Variants in RBM47 observed in about 807,000 individuals in gnomAD.
RBM47 encodes the protein RNA binding motif protein 47.
A neutral mutation model predicts 47.1 loss-of-function variants in RBM47; 21 were observed. That is an observed-to-expected ratio of 0.45 (90% CI 0.32 to 0.64). RBM47 has a LOEUF of 0.64. Among genes scored for constraint, RBM47 ranks in the 30% least tolerant of loss-of-function variants. The probability of loss-of-function intolerance (pLI) is 0.05; values close to 1 mark genes in which losing one functional copy is unlikely to be tolerated. For synonymous variants in RBM47, 375 were observed against 361.7 expected, an observed-to-expected ratio of 1.04 and a Z score of -0.42; for missense variants, 708 against 870.9, an observed-to-expected ratio of 0.81 and a Z score of 2.35.
chr4:40,498,633 A>G (rs1722952439), intron 2 of RBM47, among the ~76,000 whole-genome samples: 1 of 145,210 alleles, frequency 6.9e-6, no homozygotes, highest in African/African-American at 2.6e-5. Context: ...ATATTGCGCC[A>G]TTGCACTCCA....
chr4:40,472,267 G>A (rs1029379365), intron 2 of RBM47, among the ~76,000 whole-genome samples: 3 of 151,974 alleles, frequency 2.0e-5, no homozygotes, highest in Non-Finnish European at 2.9e-5. Context: ...ATTTTATATC[G>A]TCATTAATAG....
Position 40,440,618 on chromosome 4 carries a change from C to T in RBM47, c.-31-1694G>A, listed in dbSNP as rs191478576. 7.8e-4 allele frequency among the ~76,000 whole-genome samples: 119 copies of T among 152,262 alleles called. 1 individual carries two copies. Among genetic ancestry groups the T allele is most frequent in the Admixed American group, 1.3e-3 (20 of 15,296 alleles). ...AAATAGTCCTTTTGTGGTTAATTTG[C>T]TCTAATATCAAGCGGCAGTACAGTT... On this transcript the variant is annotated intron_variant, in intron 3 of 6. Coordinates refer to ENST00000295971, the MANE Select transcript of RBM47 (RefSeq NM_001098634.2).
At chr4:40,581,948 C>T (rs1417379896) in intron 1 of RBM47, among the ~76,000 whole-genome samples, 1 of 152,026 alleles carries the variant, frequency 6.6e-6, no homozygotes, top group Non-Finnish European at 1.5e-5. Context: ...CCCGAACCCG[C>T]TTCCCCTCCT....
intron 3 of RBM47, among the ~76,000 whole-genome samples, chr4:40,456,538 C>A (rs1021766593): frequency 6.7e-6 from 1 of 148,896 alleles, no homozygotes; most frequent in Admixed American, 6.8e-5. Context: ...AAGTATTAGT[C>A]CCATTTTCTT....
intron 1 of RBM47, among the ~76,000 whole-genome samples, chr4:40,568,428 CAAAAAAAA>C (rs35434439): frequency 3.5e-5 from 2 of 57,574 alleles, no homozygotes; most frequent in African/African-American, 1.2e-4. Context: ...AACCCTGTCT[CAAAAAAAA>C]AAAAAAAAAA....
At chr4:40,563,101 G>C (rs938475994) in intron 1 of RBM47, among the ~76,000 whole-genome samples, 5 of 152,202 alleles carry the variant, frequency 3.3e-5, no homozygotes, top group Non-Finnish European at 2.9e-5. Flanking sequence ...TGAGGCAGGA[G>C]AATCACTTGA....
intron 1 of RBM47, among the ~76,000 whole-genome samples, chr4:40,567,177 C>G (rs1344261964): frequency 4.0e-5 from 6 of 151,768 alleles, no homozygotes; most frequent in Non-Finnish European, 7.4e-5. Context: ...TCGGTGACAC[C>G]AAGAAAAGAG....
chr4:40,605,785 C>T (rs910847410), intron 1 of RBM47, among the ~76,000 whole-genome samples: 5 of 151,434 alleles, frequency 3.3e-5, no homozygotes, highest in Admixed American at 6.6e-5. Flanking sequence ...GAGCCCAGAT[C>T]GCACCACTGC....
chr4:40,478,702 G>A (rs1234784329), intron 2 of RBM47, among the ~76,000 whole-genome samples: 2 of 152,132 alleles, frequency 1.3e-5, no homozygotes, highest in Non-Finnish European at 2.9e-5. Context: ...TACCCAGGCT[G>A]GTCTCGAAAT....
intron 1 of RBM47, among the ~76,000 whole-genome samples, chr4:40,607,555 A>G (rs1443075126): frequency 6.6e-6 from 1 of 152,082 alleles, no homozygotes; most frequent in Non-Finnish European, 1.5e-5. Context: ...AAAAATTTTA[A>G]AATTATCCAG....
chr4:40,614,310 A>C (rs1736513407), intron 1 of RBM47, among the ~76,000 whole-genome samples: 1 of 152,174 alleles, frequency 6.6e-6, no homozygotes, highest in African/African-American at 2.4e-5. Flanking sequence ...TGAAAGTAAA[A>C]AGAATTAGAG....
At chr4:40,582,448 C>T (rs571457371) in intron 1 of RBM47, among the ~76,000 whole-genome samples, 141 of 152,264 alleles carry the variant, frequency 9.3e-4, no homozygotes, top group African/African-American at 3.2e-3. Flanking sequence ...GCAGGAGAAT[C>T]GCTTCAACCC....
intron 1 of RBM47, among the ~76,000 whole-genome samples, chr4:40,619,606 T>C (rs945120153): frequency 6.6e-6 from 1 of 152,124 alleles, no homozygotes; most frequent in Admixed American, 6.5e-5. Flanking sequence ...TCCCTCAACA[T>C]GCCAAGCGTT....
At chr4:40,598,821 T>A (rs1734984078) in intron 1 of RBM47, among the ~76,000 whole-genome samples, 2 of 145,658 alleles carry the variant, frequency 1.4e-5, no homozygotes, top group South Asian at 4.4e-4. Context: ...AAATGAATTA[T>A]CAGAAAGTCT....
intron 3 of RBM47, among the ~76,000 whole-genome samples, chr4:40,443,487 G>A (rs1360572527): frequency 6.6e-6 from 1 of 152,016 alleles, no homozygotes; most frequent in Non-Finnish European, 1.5e-5. Flanking sequence ...GGAGGCTAAG[G>A]TGGGCGGATC....
chr4:40,482,992 G>A (rs1019195072), intron 2 of RBM47, among the ~76,000 whole-genome samples: 1 of 152,024 alleles, frequency 6.6e-6, no homozygotes, highest in Non-Finnish European at 1.5e-5. Flanking sequence ...GAAATCATTC[G>A]AAAAAAATCA....
chr4:40,550,424 G>A (rs1452014905), intron 1 of RBM47, among the ~76,000 whole-genome samples: 3 of 151,840 alleles, frequency 2.0e-5, no homozygotes, highest in East Asian at 3.9e-4. Flanking sequence ...TTTATCATAC[G>A]TAATTTTTTT....
At chr4:40,452,689 G>GT (rs34342768) in intron 3 of RBM47, among the ~76,000 whole-genome samples, 86,779 of 150,766 alleles carry the variant, frequency 0.58, 27,142 homozygotes, top group Non-Finnish European at 0.7. Context: ...CACTACTGCA[G>GT]TTTTTTTTTA....
chr4:40,514,783 T>C (rs1725368886), intron 2 of RBM47: 1 of 152,240 alleles, frequency 6.6e-6, no homozygotes. Context: ...TGTCAAACTT[T>C]CAGGTGGTGG....
Sources: gnomAD v4.1 joint callset for allele counts (sites outside exome capture counted in the v4.1 genomes callset) on GRCh38, gnomAD v4.1.1 for gene constraint, MANE v1.5 for transcripts, NCBI Gene and HGNC (gene_info 2026-07-23, HGNC 2026-07-21) for gene names.